RALY: variants seen among roughly 807,000 people sequenced by gnomAD.
RALY encodes the protein RNA-binding protein Raly.
RALY carries 15 observed loss-of-function variants against 30.7 expected under a neutral mutation model. The ratio of observed to expected loss-of-function variants is 0.49; its 90% CI spans 0.33 to 0.75. The LOEUF (loss-of-function observed/expected upper bound fraction) is 0.75. Ranked by LOEUF, RALY falls within the 30% of genes least tolerant of loss-of-function variation. The pLI is 0.02. For missense variants in RALY, 339 were observed against 414.3 expected, an observed-to-expected ratio of 0.82 and a Z score of 1.58; for synonymous variants, 177 against 170.8, an observed-to-expected ratio of 1.04 and a Z score of -0.28.
intron 6 of RALY, 85 bp downstream of exon 6, chr20:34,076,125 A>G: frequency 6.8e-7 from 1 of 1,460,892 alleles, no homozygotes; most frequent in Non-Finnish European, 9.3e-7. Flanking sequence ...ATTGGAACAT[A>G]GATAAAACAA....
At chr20:34,067,388 A>G (rs2033603854) in intron 2 of RALY, among the ~76,000 whole-genome samples, 1 of 151,402 alleles carries the variant, frequency 6.6e-6, no homozygotes, top group Non-Finnish European at 1.5e-5. Flanking sequence ...CTGGTCCTGA[A>G]CTCCTAACCT....
rs565978147 is a variant in RALY at position 34,076,034 on chromosome 20, A to G, written c.538A>G (p.Ile180Val). The G allele has an allele frequency of 6.2e-7, 1 of 1,613,536 alleles. No individual in the cohort carries two copies. The highest frequency in any genetic ancestry group is 2.2e-5 in the East Asian group (1 of 44,862). The change falls in exon 6 of 10, where the codon ATC (isoleucine) becomes GTC (valine). Residue 180 changes from isoleucine to valine, a missense_variant. By Grantham distance (29) the Ile-to-Val change is conservative (BLOSUM62 3). Around this residue, in one of 2 missense-constraint regions of RALY, gnomAD observed 268 missense variants for 280.6 expected, o/e 0.95. Transcript: ENST00000246194. ...AGCTGTCACCACCAGCTCAGCCAAG[A>G]TCAAGTGTGAGTGACTGTATCATAT... ...STAVTTSSAK[I>V]KLKSSELQAI...
At chr20:34,029,066 G>A (rs2032163222) in intron 1 of RALY, among the ~76,000 whole-genome samples, 1 of 152,108 alleles carries the variant, frequency 6.6e-6, no homozygotes, top group Non-Finnish European at 1.5e-5. Flanking sequence ...CAGAGACCAG[G>A]GAAGAGACTC....
intron 1 of RALY, among the ~76,000 whole-genome samples, chr20:34,025,546 C>T (rs1010945597): frequency 3.9e-5 from 6 of 152,030 alleles, no homozygotes; most frequent in East Asian, 1.9e-4. Flanking sequence ...TCAGGTGATC[C>T]GCCCACCTCA....
chr20:34,055,570 TAGATTGTGGTCCCTGCTGTCC>T (rs2033216713), intron 2 of RALY, among the ~76,000 whole-genome samples: 1 of 152,052 alleles, frequency 6.6e-6, no homozygotes, highest in South Asian at 2.1e-4. Context: ...CAAGATGAAA[TAGATTGTGGTCCCTGCTGTCC>T]AGGAATTCAC....
intron 1 of RALY, among the ~76,000 whole-genome samples, chr20:34,003,499 A>G (rs1027364238): frequency 1.3e-5 from 2 of 152,108 alleles, no homozygotes; most frequent in Admixed American, 6.6e-5. Flanking sequence ...TGATGAAAGC[A>G]TCTGGACAGG....
intron 2 of RALY, among the ~76,000 whole-genome samples, chr20:34,053,869 T>C (rs2033158389): frequency 6.6e-6 from 1 of 152,162 alleles, no homozygotes; most frequent in Non-Finnish European, 1.5e-5. Context: ...TCTGTCACTA[T>C]TGATATTGCT....
intron 1 of RALY, among the ~76,000 whole-genome samples, chr20:34,025,006 T>A (rs552406526): frequency 6.6e-6 from 1 of 152,340 alleles, no homozygotes; most frequent in African/African-American, 2.4e-5. Context: ...TCAAATAGAT[T>A]GGCAAGTTGG....
chr20:34,028,408 G>A (rs1219780360), intron 1 of RALY, among the ~76,000 whole-genome samples: 8 of 152,056 alleles, frequency 5.3e-5, no homozygotes, highest in African/African-American at 1.9e-4. Flanking sequence ...CTGATGGTGA[G>A]TGCAGAAATG....
chr20:34,001,812 G>C (rs1257863149), intron 1 of RALY, among the ~76,000 whole-genome samples: 3 of 152,106 alleles, frequency 2.0e-5, no homozygotes, highest in African/African-American at 7.2e-5. Context: ...TGTTGCTCAG[G>C]CTGGAGTGCA....
chr20:34,019,685 CTGGGGGAGTGGGGAGGTAG>C (rs2031741767), intron 1 of RALY, among the ~76,000 whole-genome samples: 1 of 152,180 alleles, frequency 6.6e-6, no homozygotes, highest in East Asian at 1.9e-4. Flanking sequence ...ACTTAGAATT[CTGGGGGAGTGGGGAGGTAG>C]TGGTGGGTGA....
intron 2 of RALY, among the ~76,000 whole-genome samples, chr20:34,042,671 G>A (rs2032743914): frequency 6.6e-6 from 1 of 152,222 alleles, no homozygotes; most frequent in Non-Finnish European, 1.5e-5. Context: ...ATCAGATTTA[G>A]ATTGTTAATG....
intron 1 of RALY, among the ~76,000 whole-genome samples, chr20:34,023,783 A>G (rs949441372): frequency 2.6e-5 from 4 of 152,106 alleles, no homozygotes; most frequent in Non-Finnish European, 5.9e-5. Context: ...CTTATTCCCA[A>G]TCAGGCCACC....
intron 1 of RALY, among the ~76,000 whole-genome samples, chr20:34,023,002 C>T (rs1267083742): frequency 6.6e-6 from 1 of 152,076 alleles, no homozygotes; most frequent in Non-Finnish European, 1.5e-5. Flanking sequence ...TGGTAGAGTT[C>T]CAGGAACTGG....
chr20:34,048,560 G>A (rs1335692714), intron 2 of RALY, among the ~76,000 whole-genome samples: 2 of 152,166 alleles, frequency 1.3e-5, no homozygotes, highest in Non-Finnish European at 2.9e-5. Context: ...TCCAGGTCAA[G>A]AATATTTTCT....
chr20:34,019,498 A>C (rs573653363), intron 1 of RALY, among the ~76,000 whole-genome samples: 1 of 152,314 alleles, frequency 6.6e-6, no homozygotes, highest in Non-Finnish European at 1.5e-5. Context: ...CCCATAAAGC[A>C]GACTGAAGGA....
chr20:33,997,396 A>G (rs928051325), intron 1 of RALY, among the ~76,000 whole-genome samples: 2 of 152,170 alleles, frequency 1.3e-5, no homozygotes, highest in Non-Finnish European at 2.9e-5. Flanking sequence ...GATTACAGGC[A>G]TGAGCCACCA....
intron 1 of RALY, among the ~76,000 whole-genome samples, chr20:34,027,128 G>A (rs374876291): frequency 2.6e-5 from 4 of 151,972 alleles, no homozygotes; most frequent in East Asian, 1.9e-4. Context: ...CACATCCCCC[G>A]TTCAATGATT....
intron 2 of RALY, among the ~76,000 whole-genome samples, chr20:34,035,173 A>C (rs996577131): frequency 1.4e-5 from 2 of 138,040 alleles, no homozygotes; most frequent in Non-Finnish European, 3.0e-5. Flanking sequence ...AAAAAAAAAA[A>C]AAAAAAAAAA....
Sources: gnomAD v4.1 joint callset for allele counts (sites outside exome capture counted in the v4.1 genomes callset) on GRCh38, gnomAD v4.1.1 for gene constraint, gnomAD v4.1.1 regional missense constraint, MANE v1.5 for transcripts, NCBI Gene and HGNC (gene_info 2026-07-23, HGNC 2026-07-21) for gene names.